NISCH: variants seen among roughly 807,000 people sequenced by gnomAD.
NISCH encodes nischarin, also known as I-1 receptor candidate protein.
NISCH carries 55 observed loss-of-function variants against 138.4 expected under a neutral mutation model. The observed-to-expected ratio is 0.40, with a 90% CI of 0.32 to 0.50. NISCH has a LOEUF of 0.50. Among genes scored for constraint, NISCH ranks in the 20% least tolerant of loss-of-function variants. NISCH has a pLI of 0.71. For synonymous variants in NISCH, 860 were observed against 861.5 expected (o/e 1.00, Z 0.03); for missense variants, 1,643 against 2,005.5 (o/e 0.82, Z 3.45).
chr3:52,488,582 C>T lies in NISCH; in HGVS notation c.3090C>T (p.Gly1030=), dbSNP rs1406417900. 6.2e-7 allele frequency: 1 copy of T among 1,611,030 alleles called. No homozygotes were observed. Among genetic ancestry groups the T allele is most frequent in the African/African-American group, 1.3e-5 (1 of 74,922 alleles). The change falls in exon 16 of 21, where the codon GGC becomes GGT. Residue 1030 remains glycine (G), a synonymous_variant. Transcript: ENST00000345716. The stretch of plus-strand genomic sequence containing the variant: ...GCCCCCAGGGCTCCTTTGCGGATGG[C>T]CAGCCTGCCGAGCGCAGGGCCAGGT... ...GGSPQGSFAD[G]QPAERRASND...
chr3:52,466,989 GTTTC>G (rs1706798247), intron 3 of NISCH, among the ~76,000 whole-genome samples: 2 of 134,368 alleles, frequency 1.5e-5, no homozygotes, highest in South Asian at 5.0e-4. Flanking sequence ...CTGACACTAA[GTTTC>G]TTTTTCTTTT....
At chr3:52,475,073 TG>T (rs1707061088) in intron 7 of NISCH, among the ~76,000 whole-genome samples, 1 of 152,252 alleles carries the variant, frequency 6.6e-6, no homozygotes, top group South Asian at 2.1e-4. Flanking sequence ...GACTTAGGTT[TG>T]GGCCAGGTGT....
intron 7 of NISCH, 158 bp from the exon 8 acceptor site, chr3:52,476,289 G>GT (rs1707095579): frequency 2.7e-6 from 2 of 743,288 alleles, no homozygotes; most frequent in African/African-American, 3.5e-5. Flanking sequence ...TTTCACAATC[G>GT]TTTAAAGACA....
chr3:52,490,928 GTTATCTCTGTGCT>G (rs1707545196), intron 19 of NISCH, 95 bp downstream of exon 19: 1 of 1,520,898 alleles, frequency 6.6e-7, no homozygotes, highest in Non-Finnish European at 9.0e-7. Flanking sequence ...ATCATAGACA[GTTATCTCTGTGCT>G]CAAGAGCCAC....
chr3:52,474,248 G>A (rs2153231206), intron 7 of NISCH, among the ~76,000 whole-genome samples: 1 of 152,132 alleles, frequency 6.6e-6, no homozygotes, highest in Admixed American at 6.5e-5. Flanking sequence ...CAAGTAGCTG[G>A]GATTACAGGT....
At chr3:52,489,257 C>T in intron 16 of NISCH, 79 bp from the exon 17 acceptor site, 10 of 1,514,436 alleles carry the variant, frequency 6.6e-6, no homozygotes, top group South Asian at 1.3e-5. Context: ...CACACAGTCT[C>T]CTCACTCTGA....
chr3:52,492,219 C>G lies in NISCH; in HGVS notation c.4252C>G (p.Arg1418Gly). Residue 1418 changes from arginine to glycine, a missense_variant, in exon 21 of 21, where the codon CGA (arginine) becomes GGA (glycine). By Grantham distance (125) the Arg-to-Gly change is moderately radical. Transcript: ENST00000345716. ...TGGCCGCCGCGTCCGGGACCTGGACCGAGTGCTCATGGGCTACCAGACCTA... is the reference window on the plus strand; with the variant it reads ...TGGCCGCCGCGTCCGGGACCTGGACGGAGTGCTCATGGGCTACCAGACCTA... ...DDGRRVRDLD[R>G]VLMGYQTYPQ... is the part of the protein sequence containing the mutation. 1 of 1,613,130 alleles carries G rather than the reference C, an allele frequency of 6.2e-7. No homozygotes were observed. Among genetic ancestry groups the G allele is most frequent in the East Asian group, 2.2e-5 (1 of 44,886 alleles).
At chr3:52,463,303 G>C (rs1490225407) in intron 3 of NISCH, among the ~76,000 whole-genome samples, 2 of 152,166 alleles carry the variant, frequency 1.3e-5, no homozygotes, top group Non-Finnish European at 2.9e-5. Context: ...CTTTTATGAC[G>C]GAGTAATAGT....
Position 52,455,935 on chromosome 3 carries a change from C to G in NISCH, c.93+201C>G, listed in dbSNP as rs1053040552. ...TCCGGGAGAAGGGTTGCTCGGGGCC[C>G]GGGGAGGCGGTTTGGAAAAGGGTAC... On this transcript the variant is annotated intron_variant, in intron 1 of 20. Transcript: ENST00000345716. Among the ~76,000 whole-genome samples the G allele has an allele frequency of 9.1e-5, 10 of 110,316 alleles. No homozygotes were observed. In the South Asian group the frequency reaches 1.3e-3, roughly 14 times the overall value. 72.4% of individuals were successfully genotyped at this position (110,316 alleles called of 152,430 possible). A position where few individuals can be genotyped will look rare whatever the true frequency, so the allele number is the denominator to read the frequency against.
In NISCH at chr3:52,489,323, T is replaced by C. The variant is rs1457284922; in HGVS notation, c.3114-13T>C. On this transcript the variant is annotated splice_polypyrimidine_tract_variant and intron_variant, in intron 16 of 20. Coordinates refer to ENST00000345716, the MANE Select transcript of NISCH (RefSeq NM_007184.4). ...GGGTCCGCTGTTAATATGGTGTTTT[T>C]CGGGGGATACAGCAATGACCAGCGT... 1.2e-6 allele frequency: 2 copies of C among 1,603,420 alleles called. No individual in the cohort carries two copies. The highest frequency in any genetic ancestry group is 3.4e-5 in the Admixed American group (2 of 58,142).
intron 3 of NISCH, 81 bp downstream of exon 3, chr3:52,458,925 A>C: frequency 7.8e-7 from 1 of 1,280,292 alleles, no homozygotes; most frequent in South Asian, 1.5e-5. Context: ...GGGAGACCTC[A>C]GCTTTGAGGT....
chr3:52,477,782 A>G (rs956653647), intron 9 of NISCH, 140 bp downstream of exon 9: 5 of 711,958 alleles, frequency 7.0e-6, no homozygotes, highest in Admixed American at 4.6e-5. Flanking sequence ...GATCCCAGCA[A>G]TGCACTGAGT....
intron 14 of NISCH, among the ~76,000 whole-genome samples, chr3:52,485,295 C>T (rs1423385485): frequency 6.6e-6 from 1 of 152,238 alleles, no homozygotes; most frequent in Non-Finnish European, 1.5e-5. Flanking sequence ...GAGTCCTTGT[C>T]TGTCCTCAGT....
Position 52,488,002 on chromosome 3 carries a change from A to G in NISCH, c.2510A>G (p.Gln837Arg). 1 of 1,612,508 alleles carries G rather than the reference A, an allele frequency of 6.2e-7. No homozygotes were observed. The highest frequency in any genetic ancestry group is 8.5e-7 in the Non-Finnish European group (1 of 1,179,934). The change falls in exon 16 of 21, where the codon CAG becomes CGG. Residue 837 changes from glutamine (Q) to arginine (R), a missense_variant. By Grantham distance (43) the Gln-to-Arg change is conservative. Coordinates refer to ENST00000345716, the MANE Select transcript of NISCH (RefSeq NM_007184.4). ...SHTSLQEFLR[Q>R]LLTFYKVAGG... ...ACCAGCCTGCAGGAGTTCCTGCGCC[A>G]GCTGCTCACCTTCTACAAGGTGGCT...
chr3:52,487,310 G>A lies in NISCH; in HGVS notation c.1818G>A (p.Leu606=), dbSNP rs752516236. The A allele has an allele frequency of 2.5e-6, 4 of 1,614,170 alleles. No homozygotes were observed. The South Asian group carries it at 3.3e-5, about 13-fold the overall frequency. The change falls in exon 16 of 21, where the codon CTG becomes CTA. Residue 606 remains leucine (L), a synonymous_variant. Transcript: ENST00000345716. This position sits in a 1 kb window ranked among gnomAD's most constrained non-coding sequence, Gnocchi z 9.1. ...CCAATCAGGACTTCATCCAGCGCCT[G>A]AGCACACTGATCCGGCAGGCCATCG... is the stretch of plus-strand genomic sequence containing the variant. ...TATNQDFIQR[L]STLIRQAIER... is the part of the protein sequence containing the mutation.
chr3:52,470,715 T>C, intron 3 of NISCH, 144 bp from the exon 4 acceptor site: 3 of 720,640 alleles, frequency 4.2e-6, no homozygotes, highest in Non-Finnish European at 7.6e-6. Flanking sequence ...TCTTGCTTCA[T>C]TGTAGGTTTA....
rs1181748569 is a variant in NISCH at position 52,490,959 on chromosome 3, C to A, written c.3742+126C>A. ...TCTGTGCTCAAGAGCCACTTCTTAA[C>A]CGGGGTGGGAGGAAGCAGCTTCAGG... On this transcript the variant is annotated intron_variant, in intron 19 of 20. Transcript: ENST00000345716. 6 of 1,312,606 alleles carry A rather than the reference C, an allele frequency of 4.6e-6. No homozygotes were observed. In the Admixed American group the frequency reaches 1.0e-4, roughly 22 times the overall value. The allele number at this position is 1,312,606 out of a possible 1,614,324, so 81.3% of individuals were successfully genotyped here. A position where few individuals can be genotyped will look rare whatever the true frequency, so the allele number is the denominator to read the frequency against.
chr3:52,473,911 G>A, intron 7 of NISCH, 82 bp downstream of exon 7: 1 of 865,606 alleles, frequency 1.2e-6, no homozygotes, highest in South Asian at 1.6e-5. Context: ...AAGGATGGGT[G>A]AGGACACTGC....
At position 52,479,656 on chromosome 3, in the gene NISCH, C is replaced by CTCACCAGTCCCCATGCTGATAGCCA. The variant is rs544184672; in HGVS notation, c.1303-42_1303-18dup. Reference sequence around the variant, plus strand: ...AGAGCCCTACCATCCTCCTGCCATGCTCACCAGTCCCCATGCTGATAGCCA... The same window carrying CTCACCAGTCCCCATGCTGATAGCCA: ...AGAGCCCTACCATCCTCCTGCCATGCTCACCAGTCCCCATGCTGATAGCCATCACCAGTCCCCATGCTGATAGCCA... On this transcript the variant is annotated intron_variant, in intron 11 of 20. Transcript: ENST00000345716. 2.0e-4 allele frequency: 183 copies of CTCACCAGTCCCCATGCTGATAGCCA among 925,618 alleles called. 1 individual carries two copies. The East Asian group carries it at 3.0e-3, about 15-fold the overall frequency. 57.3% of individuals were successfully genotyped at this position (925,618 alleles called of 1,614,324 possible). A position where few individuals can be genotyped will look rare whatever the true frequency, so the allele number is the denominator to read the frequency against.
Sources: gnomAD v4.1 joint callset for allele counts (sites outside exome capture counted in the v4.1 genomes callset) on GRCh38, gnomAD v4.1.1 for gene constraint, Gnocchi (gnomAD v3.1) non-coding constraint, MANE v1.5 for transcripts, NCBI Gene and HGNC (gene_info 2026-07-23, HGNC 2026-07-21) for gene names.